The following UPF3B variants were observed in gnomAD, a reference collection of about 807,000 sequenced individuals.
UPF3B encodes the protein regulator of nonsense transcripts 3B.
A neutral mutation model predicts 40.3 loss-of-function variants in UPF3B; 7 were observed. That is an observed-to-expected ratio of 0.17 (90% CI 0.10 to 0.33). The LOEUF (loss-of-function observed/expected upper bound fraction) is 0.33. Among genes scored for constraint, UPF3B ranks in the 10% least tolerant of loss-of-function variants. The pLI is 1.00. For synonymous variants in UPF3B, 117 were observed against 117.3 expected, an observed-to-expected ratio of 1.00 and a Z score of 0.01; for missense variants, 229 against 358.9, an observed-to-expected ratio of 0.64 and a Z score of 2.93.
chrX:119,819,112 G>C (rs1193013654), intron 4 of UPF3B, among the ~76,000 whole-genome samples: 1 of 103,445 alleles, frequency 9.7e-6, no homozygotes, highest in Non-Finnish European at 2.0e-5. Context: ...GGACTGCAGT[G>C]GTGCAATCTC....
At chrX:119,842,605 T>TACACAA (rs1556380035) in intron 5 of UPF3B, among the ~76,000 whole-genome samples, 1 of 91,392 alleles carries the variant, frequency 1.1e-5, no homozygotes, top group African/African-American at 4.2e-5. Context: ...CACACACACA[T>TACACAA]ACACACACAC....
chrX:119,843,944 G>C (rs983580919), intron 4 of UPF3B, among the ~76,000 whole-genome samples: 2 of 112,434 alleles, frequency 1.8e-5, no homozygotes, highest in African/African-American at 6.5e-5. Context: ...CCAACATAAA[G>C]AGTTGTGTAA....
chrX:119,818,014 C>T (rs1046996289), intron 4 of UPF3B, among the ~76,000 whole-genome samples: 16 of 111,713 alleles, frequency 1.4e-4, no homozygotes, highest in Admixed American at 1.3e-3. Flanking sequence ...CACCTGTAAT[C>T]CCAGCACTTT....
Position 119,834,206 on chromosome X carries a change from C to G in UPF3B, c.*672G>C. 2.6e-6 allele frequency: 2 copies of G among 755,094 alleles called. No homozygotes were observed. The highest frequency in any genetic ancestry group is 1.6e-6 in the Non-Finnish European group (1 of 639,667). 62.2% of individuals were successfully genotyped at this position (755,094 alleles called of 1,213,427 possible). On this transcript the variant is annotated 3_prime_UTR_variant, in exon 11 of 11. Coordinates refer to ENST00000276201, the MANE Select transcript of UPF3B (RefSeq NM_080632.3). ...GAGTCAAACAAGGACTACATTTTAC[C>G]TCTTAATAGAAAAGATGCTGATGAC... is the stretch of plus-strand genomic sequence containing the variant.
chrX:119,829,888 T>G (rs765695936), downstream of UPF3B, among the ~76,000 whole-genome samples: 85 of 111,790 alleles, frequency 7.6e-4, 1 homozygote, highest in African/African-American at 2.7e-3. Flanking sequence ...GTTTCATTAG[T>G]TCACTAATGA....
intron 4 of UPF3B, 85 bp from the exon 5 acceptor site, chrX:119,843,386 G>T: frequency 1.5e-6 from 1 of 686,246 alleles, no homozygotes. Context: ...ATTTATCAAA[G>T]AAGATAATTT....
intron 5 of UPF3B, among the ~76,000 whole-genome samples, chrX:119,814,847 TTTTC>T (rs1482677883): frequency 7.0e-5 from 7 of 99,292 alleles, no homozygotes; most frequent in Non-Finnish European, 1.2e-4. Context: ...TCCTCTACTC[TTTTC>T]TTTCTTTCTT....
At chrX:119,848,848 A>G (rs759443902) in intron 3 of UPF3B, among the ~76,000 whole-genome samples, 2 of 111,767 alleles carry the variant, frequency 1.8e-5, no homozygotes, top group East Asian at 5.6e-4. Flanking sequence ...CTACTAATAG[A>G]TATGGGTTTC....
chrX:119,840,617 A>AT, intron 8 of UPF3B, 29 bp downstream of exon 8: 1 of 1,181,307 alleles, frequency 8.5e-7, no homozygotes, highest in Non-Finnish European at 1.2e-6. Context: ...ATGATACTAG[A>AT]TGCTCTGTAT....
At chrX:119,807,722 A>G (rs1218683583) in intron 5 of UPF3B, 1 of 172,213 alleles carries the variant, frequency 5.8e-6, no homozygotes, top group African/African-American at 3.1e-5. Context: ...GGTAAATGAC[A>G]ACTTGCCCAT....
chrX:119,813,783 CA>C (rs1391132087), intron 5 of UPF3B, among the ~76,000 whole-genome samples: 5 of 110,131 alleles, frequency 4.5e-5, no homozygotes, highest in Non-Finnish European at 9.5e-5. Context: ...AGGCTGGTCT[CA>C]AACTCCTGAC....
At position 119,852,892 on chromosome X, in the gene UPF3B, G is replaced by C; in HGVS notation, c.37C>G (p.Arg13Gly). The C allele has an allele frequency of 8.2e-7, 1 of 1,212,269 alleles. No individual in the cohort carries two copies. ...EEKEHRPKEK[R>G]VTLLTPAGAT... ...CCGGCGGGGGTTAACAGGGTTACTC[G>C]CTTCTCCTTAGGCCTGTGCTCCTTC... is the stretch of plus-strand genomic sequence containing the variant. The change falls in exon 1 of 11, where the codon CGA becomes GGA. Residue 13 changes from arginine to glycine, a missense_variant. Arg to Gly is a moderately radical substitution (Grantham distance 125, BLOSUM62 -2). Around this residue, in one of 3 missense-constraint regions of UPF3B, gnomAD observed 23 missense variants for 21.0 expected, o/e 1.10. Transcript: ENST00000276201.
In UPF3B at chrX:119,852,944, T is replaced by C; in HGVS notation, c.-16A>G. On this transcript the variant is annotated 5_prime_UTR_variant, in exon 1 of 11. Transcript: ENST00000276201. ...CTTCCTTCATGGCTACGTCCCCCGC[T>C]GAAGCGGCTTGGCCGGAACGGGGTT... 1 of 1,212,104 alleles carries C rather than the reference T, an allele frequency of 8.3e-7. No individual in the cohort carries two copies. Among genetic ancestry groups the C allele is most frequent in the Non-Finnish European group, 1.1e-6 (1 of 895,537 alleles).
intron 5 of UPF3B, among the ~76,000 whole-genome samples, chrX:119,810,461 G>A (rs1400383166): frequency 8.9e-6 from 1 of 112,335 alleles, no homozygotes; most frequent in East Asian, 2.8e-4. Context: ...AGATGTGGAA[G>A]TGGTCCAGTC....
chrX:119,823,516 C>T (rs1394580984), intron 3 of UPF3B, among the ~76,000 whole-genome samples: 2 of 108,988 alleles, frequency 1.8e-5, no homozygotes, highest in African/African-American at 6.7e-5. Flanking sequence ...GGGTTACCTG[C>T]AGGAGCCATC....
In UPF3B at chrX:119,852,963, C is replaced by A. The variant is rs1179340885; in HGVS notation, c.-35G>T. The A allele has an allele frequency of 3.8e-5, 46 of 1,210,084 alleles. No individual in the cohort carries two copies. Among genetic ancestry groups the A allele is most frequent in the Non-Finnish European group, 5.0e-5 (45 of 894,969 alleles). ...CCCCGCTGAAGCGGCTTGGCCGGAACGGGGTTACCCCGGGCACAAACGGCT... is the reference window on the plus strand; with the variant it reads ...CCCCGCTGAAGCGGCTTGGCCGGAAAGGGGTTACCCCGGGCACAAACGGCT... On this transcript the variant is annotated 5_prime_UTR_variant, in exon 1 of 11. Coordinates refer to ENST00000276201, the MANE Select transcript of UPF3B (RefSeq NM_080632.3).
At chrX:119,840,550 TA>T (rs2056148728) in intron 8 of UPF3B, 95 bp downstream of exon 8, 4 of 798,980 alleles carry the variant, frequency 5.0e-6, no homozygotes, top group Non-Finnish European at 7.3e-6. Context: ...TTTCAACAAG[TA>T]ACACTACCAC....
intron 4 of UPF3B, among the ~76,000 whole-genome samples, chrX:119,820,311 A>AT (rs904587518): frequency 2.0e-4 from 16 of 80,986 alleles, no homozygotes; most frequent in South Asian, 5.4e-4. Flanking sequence ...GCCCGGCCAA[A>AT]TTTTTTTTTT....
chrX:119,847,330 C>T (rs751289366), intron 3 of UPF3B, among the ~76,000 whole-genome samples: 102 of 111,146 alleles, frequency 9.2e-4, no homozygotes, highest in African/African-American at 3.0e-3. Flanking sequence ...ACCTGTAATC[C>T]CAGCTACTCA....
Sources: allele counts gnomAD v4.1 joint callset (sites outside exome capture counted in the v4.1 genomes callset), GRCh38; gene constraint gnomAD v4.1.1; regional missense constraint gnomAD v4.1.1; transcripts MANE v1.5; gene names NCBI Gene and HGNC (gene_info 2026-07-23, HGNC 2026-07-21).